KPNA1: variants seen among roughly 807,000 people sequenced by gnomAD.
The protein encoded by KPNA1 is importin subunit alpha-5.
In KPNA1, 10 loss-of-function variants were observed where a neutral mutation model predicts 70.5. The observed-to-expected ratio is 0.14, with a 90% CI of 0.09 to 0.24. The LOEUF (loss-of-function observed/expected upper bound fraction) is 0.24, where lower values mean the gene tolerates loss of function less well. Among genes scored for constraint, KPNA1 ranks in the 10% least tolerant of loss-of-function variants. The pLI is 1.00. For synonymous variants in KPNA1, 192 were observed against 221.9 expected (o/e 0.87, Z 1.20); for missense variants, 397 against 637.9 (o/e 0.62, Z 4.07).
rs1202380450 is a variant in KPNA1 at position 122,426,663 on chromosome 3, CCCA to C, written c.*319_*321del. 1.4e-5 allele frequency: 3 copies of C among 218,170 alleles called. No individual in the cohort carries two copies. The highest frequency in any genetic ancestry group is 2.7e-5 in the Non-Finnish European group (3 of 111,436). 13.5% of individuals were successfully genotyped at this position (218,170 alleles called of 1,614,324 possible). On this transcript the variant is annotated 3_prime_UTR_variant, in exon 14 of 14. Coordinates refer to ENST00000344337, the MANE Select transcript of KPNA1 (RefSeq NM_002264.4). ...ATGAGGAGGAGTCCTCTTTTATTCCCCCACAAGAAAAAGGGAGCCACATTAATA... is the reference window on the plus strand; with the variant it reads ...ATGAGGAGGAGTCCTCTTTTATTCCCCAAGAAAAAGGGAGCCACATTAATA...
chr3:122,457,867 G>A, intron 5 of KPNA1: 1 of 1,287,900 alleles, frequency 7.8e-7, no homozygotes, highest in East Asian at 5.6e-5. Flanking sequence ...CAAGTGAAAA[G>A]AAAGGCTCAC....
At chr3:122,451,270 A>G (rs913451264) in intron 8 of KPNA1, among the ~76,000 whole-genome samples, 2 of 152,214 alleles carry the variant, frequency 1.3e-5, no homozygotes, top group Non-Finnish European at 2.9e-5. Flanking sequence ...CCTAATTTCA[A>G]TAAGCTTTAC....
intron 2 of KPNA1, among the ~76,000 whole-genome samples, chr3:122,487,829 G>A (rs753216488): frequency 1.3e-5 from 2 of 152,090 alleles, no homozygotes; most frequent in African/African-American, 2.4e-5. Flanking sequence ...CTAGATATAT[G>A]TTATATAACA....
At chr3:122,489,986 A>C (rs1002100599) in intron 2 of KPNA1, among the ~76,000 whole-genome samples, 1 of 152,236 alleles carries the variant, frequency 6.6e-6, no homozygotes, top group Non-Finnish European at 1.5e-5. Flanking sequence ...CTCATGAATT[A>C]TGAGTTTCTC....
At chr3:122,441,221 C>CTTCA (rs1354741426) in intron 10 of KPNA1, among the ~76,000 whole-genome samples, 4 of 152,166 alleles carry the variant, frequency 2.6e-5, no homozygotes, top group Non-Finnish European at 5.9e-5. Flanking sequence ...AACTAAAAGA[C>CTTCA]TTCAACATCA....
At chr3:122,496,091 G>T (rs935727186) in intron 2 of KPNA1, among the ~76,000 whole-genome samples, 2 of 152,018 alleles carry the variant, frequency 1.3e-5, no homozygotes, top group Non-Finnish European at 2.9e-5. Context: ...CACTTTAGTG[G>T]TCACTTGTGA....
At chr3:122,460,203 C>T (rs2076308532) in intron 5 of KPNA1, 1 of 985,138 alleles carries the variant, frequency 1.0e-6, no homozygotes, top group Admixed American at 6.2e-5. Flanking sequence ...AAGGCACTGA[C>T]TCAGTTGGTT....
intron 2 of KPNA1, among the ~76,000 whole-genome samples, chr3:122,467,784 T>C (rs114335112): frequency 2.6e-5 from 4 of 152,170 alleles, no homozygotes; most frequent in African/African-American, 9.6e-5. Flanking sequence ...GTCCTAACAA[T>C]GTACCAAGGA....
At position 122,424,613 on chromosome 3, in the gene KPNA1, T is replaced by A. The variant is rs2075798470; in HGVS notation, c.*2372A>T. On this transcript the variant is annotated 3_prime_UTR_variant, in exon 14 of 14. Transcript: ENST00000344337. ...GTTTTAATTCACTCACTGAAACATC[T>A]CCAACTACTAGCAAAAATTCCGAAT... 1 of 152,656 alleles carries A rather than the reference T, an allele frequency of 6.6e-6. No individual in the cohort carries two copies. Among genetic ancestry groups the A allele is most frequent in the Admixed American group, 6.5e-5 (1 of 15,278 alleles). 9.5% of individuals were successfully genotyped at this position (152,656 alleles called of 1,614,324 possible).
intron 5 of KPNA1, chr3:122,459,645 C>A: frequency 1.0e-6 from 1 of 985,340 alleles, no homozygotes; most frequent in East Asian, 1.1e-4. Context: ...ATGATCCTGG[C>A]CTTAGATGGG....
rs530796288 is a variant in KPNA1 at position 122,423,291 on chromosome 3, G to T, written c.*3694C>A. 2 of 152,192 alleles carry T rather than the reference G, an allele frequency of 1.3e-5. No individual in the cohort carries two copies. The highest frequency in any genetic ancestry group is 2.9e-5 in the Non-Finnish European group (2 of 68,038). The allele number at this position is 152,192 out of a possible 1,614,324, so 9.4% of individuals were successfully genotyped here. ...GTTCAGCTCACAACAGAGAGAAATGGTCATATTGAGATGGATAAAAATTCA... is the reference window on the plus strand; with the variant it reads ...GTTCAGCTCACAACAGAGAGAAATGTTCATATTGAGATGGATAAAAATTCA... On this transcript the variant is annotated 3_prime_UTR_variant, in exon 14 of 14. Transcript: ENST00000344337.
At chr3:122,461,721 CA>C (rs2076326273) in intron 4 of KPNA1, among the ~76,000 whole-genome samples, 1 of 152,132 alleles carries the variant, frequency 6.6e-6, no homozygotes. Context: ...TAAGGAATTG[CA>C]TTACAAGATT....
At chr3:122,479,485 C>A (rs1250582577) in intron 2 of KPNA1, among the ~76,000 whole-genome samples, 2 of 152,172 alleles carry the variant, frequency 1.3e-5, no homozygotes, top group Non-Finnish European at 2.9e-5. Flanking sequence ...CTCAGCCAGG[C>A]ACAGTGGCTC....
intron 2 of KPNA1, among the ~76,000 whole-genome samples, chr3:122,476,086 C>T (rs1382237087): frequency 1.3e-5 from 2 of 152,120 alleles, no homozygotes; most frequent in South Asian, 2.1e-4. Context: ...GGCATGAAAA[C>T]GAACACATAA....
rs1014070438 is a variant in KPNA1 at position 122,423,250 on chromosome 3, G to A, written c.*3735C>T. 2 of 152,136 alleles carry A rather than the reference G, an allele frequency of 1.3e-5. No homozygotes were observed. The highest frequency in any genetic ancestry group is 4.8e-5 in the African/African-American group (2 of 41,398). The allele number at this position is 152,136 out of a possible 1,614,324, so 9.4% of individuals were successfully genotyped here. Reference sequence around the variant, plus strand: ...GACCAAAATATTTCCCAACCTGGCAGATATATACTTAATCTGTTCAGCTCA... The same window carrying A: ...GACCAAAATATTTCCCAACCTGGCAAATATATACTTAATCTGTTCAGCTCA... On this transcript the variant is annotated 3_prime_UTR_variant, in exon 14 of 14. Transcript: ENST00000344337.
chr3:122,437,714 T>C (rs1296919168), intron 10 of KPNA1, among the ~76,000 whole-genome samples: 1 of 152,186 alleles, frequency 6.6e-6, no homozygotes, highest in Non-Finnish European at 1.5e-5. Context: ...GTATATTAGA[T>C]GCTTTATAGG....
Position 122,433,791 on chromosome 3 carries a change from AAAATT to A in KPNA1, c.1123-8_1123-4del. ...AAAATGTTGGCATCTATCACAGTCT[AAAATT>A]AAAGAAAAACTTAAATGGAAAAAAC... On this transcript the variant is annotated splice_region_variant and splice_polypyrimidine_tract_variant and intron_variant, in intron 11 of 13. Transcript: ENST00000344337. 6.3e-7 allele frequency: 1 copy of A among 1,575,038 alleles called. No individual in the cohort carries two copies. The highest frequency in any genetic ancestry group is 2.2e-5 in the East Asian group (1 of 44,570).
intron 2 of KPNA1, among the ~76,000 whole-genome samples, chr3:122,475,136 A>G (rs891467713): frequency 3.3e-5 from 5 of 152,214 alleles, no homozygotes; most frequent in African/African-American, 9.6e-5. Context: ...ACTGTTAGAA[A>G]TAATACATGG....
At chr3:122,473,942 C>T (rs1003066249) in intron 2 of KPNA1, among the ~76,000 whole-genome samples, 4 of 151,994 alleles carry the variant, frequency 2.6e-5, no homozygotes, top group African/African-American at 9.7e-5. Context: ...ACACAGTCGT[C>T]CACATGGAGA....
Sources: allele counts gnomAD v4.1 joint callset (sites outside exome capture counted in the v4.1 genomes callset), GRCh38; gene constraint gnomAD v4.1.1; transcripts MANE v1.5; gene names NCBI Gene and HGNC (gene_info 2026-07-23, HGNC 2026-07-21).